The following PHC1 variants were observed in gnomAD, a reference collection of about 807,000 sequenced individuals.
PHC1 encodes polyhomeotic homolog 1.
PHC1 carries 12 observed loss-of-function variants against 104.3 expected under a neutral mutation model. The ratio of observed to expected loss-of-function variants is 0.12; its 90% CI spans 0.07 to 0.19. PHC1 has a LOEUF of 0.19. Ranked by LOEUF, PHC1 falls within the 10% of genes least tolerant of loss-of-function variation. The pLI, the probability that PHC1 is intolerant of heterozygous loss-of-function variation, is 1.00. For missense variants in PHC1, 671 were observed against 1,200.0 expected (o/e 0.56, Z 6.51); for synonymous variants, 302 against 455.8 (o/e 0.66, Z 4.30).
Position 8,937,865 on chromosome 12 carries a change from A to G in PHC1, c.2665A>G (p.Ser889Gly), listed in dbSNP as rs1394114598. The G allele has an allele frequency of 1.2e-6, 2 of 1,613,040 alleles. No individual in the cohort carries two copies. The highest frequency in any genetic ancestry group is 2.2e-5 in the South Asian group (2 of 91,008). The change falls in exon 14 of 15, where the codon AGT becomes GGT. Residue 889 changes from serine to glycine, a missense_variant. Physicochemically the swap from Ser to Gly is moderately conservative, Grantham distance 56. Transcript: ENST00000544916. ...CTCTAGCCGGGGTTCAGATAATTCC[A>G]GTTATGATGAAGCACTCTCTCCAAC... The part of the protein sequence containing the change: ...EDSSRGSDNS[S>G]YDEALSPTSP...
At chr12:8,923,464 T>C (rs1275309018) in intron 6 of PHC1, among the ~76,000 whole-genome samples, 1 of 152,222 alleles carries the variant, frequency 6.6e-6, no homozygotes, top group Non-Finnish European at 1.5e-5. Context: ...TCCCTGTTTA[T>C]GGGTTTCATA....
intron 5 of PHC1, 73 bp downstream of exon 5, chr12:8,921,823 CT>C: frequency 6.6e-5 from 93 of 1,414,988 alleles, no homozygotes; most frequent in South Asian, 9.8e-5. Context: ...TGAGTGAAAG[CT>C]TTTTTTTGAG....
chr12:8,914,066 G>C (rs993904856), upstream of PHC1: 5 of 152,380 alleles, frequency 3.3e-5, no homozygotes, highest in African/African-American at 1.2e-4. Context: ...TTTCTCTAGG[G>C]GTCGTTGCTT....
At chr12:8,933,630 G>A in intron 8 of PHC1, 1 of 603,992 alleles carries the variant, frequency 1.7e-6, no homozygotes, top group Non-Finnish European at 2.8e-6. Flanking sequence ...TTCTTGGTTG[G>A]TCTACGTGAA....
chr12:8,931,784 T>C (rs1945693080), intron 7 of PHC1, among the ~76,000 whole-genome samples: 1 of 152,216 alleles, frequency 6.6e-6, no homozygotes, highest in African/African-American at 2.4e-5. Context: ...CTTTTTTTGT[T>C]TCTAGTACCT....
At position 8,921,848 on chromosome 12, in the gene PHC1, A is replaced by G. The variant is rs1164323236; in HGVS notation, c.456+98A>G. On this transcript the variant is annotated intron_variant, in intron 5 of 14. Coordinates refer to ENST00000544916, the MANE Select transcript of PHC1 (RefSeq NM_004426.3). ...CTTTTTTTTGAGACAGAATCTCGCT[A>G]TGTCACCCAGGCTGGAGTGCAGTGG... is the stretch of plus-strand genomic sequence containing the variant. 1.2e-5 allele frequency: 14 copies of G among 1,200,036 alleles called. No individual in the cohort carries two copies. The South Asian group carries it at 1.7e-4, about 15-fold the overall frequency. 74.3% of individuals were successfully genotyped at this position (1,200,036 alleles called of 1,614,324 possible). A position where few individuals can be genotyped will look rare whatever the true frequency, so the allele number is the denominator to read the frequency against.
intron 6 of PHC1, among the ~76,000 whole-genome samples, chr12:8,929,328 A>G (rs1402347159): frequency 1.3e-5 from 2 of 152,120 alleles, no homozygotes; most frequent in Non-Finnish European, 2.9e-5. Flanking sequence ...TTCCCAAACT[A>G]AAGTTCAGAT....
At chr12:8,923,979 A>G (rs1945443659) in intron 6 of PHC1, among the ~76,000 whole-genome samples, 2 of 152,234 alleles carry the variant, frequency 1.3e-5, no homozygotes, top group African/African-American at 4.8e-5. Flanking sequence ...GAGGTGATTT[A>G]AAGTGTATGG....
chr12:8,937,443 GA>G, intron 13 of PHC1, 117 bp downstream of exon 13: 1 of 940,994 alleles, frequency 1.1e-6, no homozygotes, highest in Non-Finnish European at 1.5e-6. Flanking sequence ...GTTTCACATT[GA>G]TTGCATTACT....
intron 6 of PHC1, among the ~76,000 whole-genome samples, chr12:8,923,417 G>T (rs1008867054): frequency 1.3e-5 from 2 of 152,204 alleles, no homozygotes; most frequent in Admixed American, 6.5e-5. Context: ...CAGTAAGCTG[G>T]TAAATGTTGA....
At chr12:8,922,600 C>T in intron 5 of PHC1, 33 bp from the exon 6 acceptor site, 2 of 1,543,298 alleles carry the variant, frequency 1.3e-6, no homozygotes, top group Non-Finnish European at 1.8e-6. Flanking sequence ...TCCCTCTTGT[C>T]CTCTTTGCTC....
Position 8,937,286 on chromosome 12 carries a change from C to G in PHC1, c.2588C>G (p.Ser863Cys). Residue 863 changes from serine to cysteine, a missense_variant, in exon 13 of 15, where the codon TCT becomes TGT. This residue lies in a region of PHC1 where 192 missense variants were observed against 280.5 expected (regional missense o/e 0.68). Coordinates refer to ENST00000544916, the MANE Select transcript of PHC1 (RefSeq NM_004426.3). ...VRRRGPRRSS[S>C]DIARAKIQGK... ...AGGCGTGGACCCCGCCGCAGCTCCTCTGACATTGCCCGTGCCAAGATTCAG... is the reference window on the plus strand; with the variant it reads ...AGGCGTGGACCCCGCCGCAGCTCCTGTGACATTGCCCGTGCCAAGATTCAG... 1 of 1,611,380 alleles carries G rather than the reference C, an allele frequency of 6.2e-7. No homozygotes were observed. The highest frequency in any genetic ancestry group is 8.5e-7 in the Non-Finnish European group (1 of 1,178,730).
chr12:8,933,998 A>C lies in PHC1; in HGVS notation c.2027A>C (p.Lys676Thr), dbSNP rs200747002. ...GAAAGCCCAAAAGTCATGGACGAGAAGAGCAGTCTTGGAGGTGAGTAACTG... is the reference window on the plus strand; with the variant it reads ...GAAAGCCCAAAAGTCATGGACGAGACGAGCAGTCTTGGAGGTGAGTAACTG... ...VAESPKVMDE[K>T]SSLGEKAESV... The change falls in exon 9 of 15, where the codon AAG becomes ACG. Residue 676 changes from lysine (K) to threonine (T), a missense_variant. By Grantham distance (78) the Lys-to-Thr change is moderately conservative. Coordinates refer to ENST00000544916, the MANE Select transcript of PHC1 (RefSeq NM_004426.3). 6.2e-7 allele frequency: 1 copy of C among 1,614,190 alleles called. No individual in the cohort carries two copies. Among genetic ancestry groups the C allele is most frequent in the Non-Finnish European group, 8.5e-7 (1 of 1,180,004 alleles).
chr12:8,932,412 A>T (rs1945711883), intron 7 of PHC1, 151 bp from the exon 8 acceptor site: 2 of 720,692 alleles, frequency 2.8e-6, no homozygotes, highest in Non-Finnish European at 4.6e-6. Context: ...GGACGAAGTG[A>T]TGTCCAAGTT....
chr12:8,935,549 C>T (rs1945811679), intron 11 of PHC1, among the ~76,000 whole-genome samples: 1 of 152,030 alleles, frequency 6.6e-6, no homozygotes, highest in Non-Finnish European at 1.5e-5. Flanking sequence ...CCACTTGAAC[C>T]TGGGAGGCGG....
At position 8,937,896 on chromosome 12, in the gene PHC1, C is replaced by T. The variant is rs1945885657; in HGVS notation, c.2696C>T (p.Pro899Leu). ...SYDEALSPTS[P>L]GPLSVRAGHG... ...GATGAAGCACTCTCTCCAACATCTC[C>T]TGGGCCTTTATCAGTAAGAGCTGGG... Residue 899 changes from proline to leucine, a missense_variant, in exon 14 of 15, where the codon CCT becomes CTT. Pro to Leu is a moderately conservative substitution (Grantham distance 98). Around this residue, in one of 9 missense-constraint regions of PHC1, gnomAD observed 192 missense variants for 280.5 expected, o/e 0.68. Transcript: ENST00000544916. 1.9e-6 allele frequency: 3 copies of T among 1,610,914 alleles called. No homozygotes were observed. The highest frequency in any genetic ancestry group is 3.3e-5 in the Admixed American group (2 of 59,974).
intron 10 of PHC1, 61 bp from the exon 11 acceptor site, chr12:8,935,063 A>G: frequency 1.3e-6 from 1 of 795,766 alleles, no homozygotes; most frequent in Non-Finnish European, 2.1e-6. Context: ...AATGTTGGGG[A>G]AAGCTATAGA....
At chr12:8,935,498 C>T (rs949360706) in intron 11 of PHC1, among the ~76,000 whole-genome samples, 7 of 151,898 alleles carry the variant, frequency 4.6e-5, no homozygotes, top group Non-Finnish European at 5.9e-5. Context: ...TGGCAGCATG[C>T]GTCTATAGTC....
chr12:8,926,282 C>A (rs1464368804), intron 6 of PHC1, among the ~76,000 whole-genome samples: 5 of 152,054 alleles, frequency 3.3e-5, no homozygotes, highest in Admixed American at 1.3e-4. Flanking sequence ...TAATTGAAGT[C>A]CCCCATCTAC....
Sources: allele counts gnomAD v4.1 joint callset (sites outside exome capture counted in the v4.1 genomes callset), GRCh38; gene constraint gnomAD v4.1.1; regional missense constraint gnomAD v4.1.1; transcripts MANE v1.5; gene names NCBI Gene and HGNC (gene_info 2026-07-23, HGNC 2026-07-21).